Variants in ANO10 observed in about 807,000 individuals in gnomAD.
ANO10 encodes anoctamin-10.
A neutral mutation model predicts 74.7 loss-of-function variants in ANO10; 77 were observed. That is an observed-to-expected ratio of 1.03 (90% CI 0.86 to 1.25). ANO10 has a LOEUF of 1.25. Among genes scored for constraint, ANO10 ranks in the 50% most tolerant of loss-of-function variants. The pLI is 0.00. For synonymous variants in ANO10, 279 were observed against 284.9 expected, an observed-to-expected ratio of 0.98 and a Z score of 0.21; for missense variants, 721 against 778.1, an observed-to-expected ratio of 0.93 and a Z score of 0.87.
At chr3:43,657,398 A>C (rs2083870153) in intron 1 of ANO10, among the ~76,000 whole-genome samples, 1 of 152,210 alleles carries the variant, frequency 6.6e-6, no homozygotes, top group Non-Finnish European at 1.5e-5. Context: ...GTACGCAGTG[A>C]CTATCACCGG....
At position 43,536,164 on chromosome 3, in the gene ANO10, T is replaced by G. The variant is rs1036220421; in HGVS notation, c.1797+13556A>C. Among the ~76,000 whole-genome samples, 9 of 152,352 alleles carry G rather than the reference T, an allele frequency of 5.9e-5. No individual in the cohort carries two copies. The East Asian group carries it at 7.7e-4, about 13-fold the overall frequency. ...GTAAAACACAAAAGTAAATGTAACA[T>G]TCCAAGTTGTTTAAAATGCTTCTTT... On this transcript the variant is annotated intron_variant, in intron 11 of 12. Transcript: ENST00000292246.
chr3:43,436,525 C>T lies in ANO10; in HGVS notation c.1798-3798G>A, dbSNP rs532718695. 2.6e-5 allele frequency among the ~76,000 whole-genome samples: 4 copies of T among 152,138 alleles called. No individual in the cohort carries two copies. In the South Asian group the frequency reaches 8.3e-4, roughly 31 times the overall value. ...TGAGGAGACGGGCAGAATTTTAAAA[C>T]TAGCAAATACAAAGAAGTTGGCTCC... is the stretch of plus-strand genomic sequence containing the variant. On this transcript the variant is annotated intron_variant, in intron 11 of 12. Transcript: ENST00000292246.
intron 11 of ANO10, among the ~76,000 whole-genome samples, chr3:43,490,247 G>A (rs542727882): frequency 7.9e-5 from 12 of 152,114 alleles, no homozygotes; most frequent in East Asian, 7.7e-4. Context: ...CTCCAACTAC[G>A]CCACAACAAA....
intron 12 of ANO10, among the ~76,000 whole-genome samples, chr3:43,375,251 G>T (rs1277225302): frequency 6.6e-6 from 1 of 152,010 alleles, no homozygotes; most frequent in East Asian, 1.9e-4. Flanking sequence ...TTTGAGACCA[G>T]CCTGGCCAAC....
chr3:43,401,780 T>C (rs1313866926), intron 12 of ANO10, among the ~76,000 whole-genome samples: 1 of 152,236 alleles, frequency 6.6e-6, no homozygotes, highest in East Asian at 1.9e-4. Flanking sequence ...CCATATCTGC[T>C]CACTTTCCCC....
chr3:43,584,264 G>A (rs932223452), intron 4 of ANO10, among the ~76,000 whole-genome samples: 1 of 152,236 alleles, frequency 6.6e-6, no homozygotes, highest in South Asian at 2.1e-4. Context: ...GAACATGGCT[G>A]TGCTTTGGTT....
intron 11 of ANO10, among the ~76,000 whole-genome samples, chr3:43,472,114 T>C (rs2075879463): frequency 6.6e-6 from 1 of 152,180 alleles, no homozygotes; most frequent in African/African-American, 2.4e-5. Flanking sequence ...TCAAATGCAT[T>C]ATGCCAAGTG....
chr3:43,509,535 T>TA (rs1476992782), intron 11 of ANO10, among the ~76,000 whole-genome samples: 1 of 152,118 alleles, frequency 6.6e-6, no homozygotes, highest in Non-Finnish European at 1.5e-5. Context: ...AAATAAAAAT[T>TA]AGTGATAGCA....
At chr3:43,484,025 C>T (rs1273281276) in intron 11 of ANO10, among the ~76,000 whole-genome samples, 1 of 152,168 alleles carries the variant, frequency 6.6e-6, no homozygotes, top group Non-Finnish European at 1.5e-5. Context: ...CAGCCTCAAC[C>T]TCCCAGACTC....
At chr3:43,542,454 CT>C (rs1422034250) in intron 11 of ANO10, among the ~76,000 whole-genome samples, 1 of 152,138 alleles carries the variant, frequency 6.6e-6, no homozygotes, top group Non-Finnish European at 1.5e-5. Context: ...GATGGAGAGC[CT>C]GGCCCATGAC....
At chr3:43,445,584 A>T (rs991842517) in intron 11 of ANO10, among the ~76,000 whole-genome samples, 6 of 152,246 alleles carry the variant, frequency 3.9e-5, no homozygotes, top group African/African-American at 1.4e-4. Flanking sequence ...AAAATCTGCT[A>T]AACCAGTTCT....
chr3:43,549,879 T>A, intron 10 of ANO10, 31 bp from the exon 11 acceptor site: 2 of 1,611,578 alleles, frequency 1.2e-6, no homozygotes, highest in Non-Finnish European at 1.7e-6. Context: ...AATTAAAAAT[T>A]GCAATGACTG....
intron 11 of ANO10, among the ~76,000 whole-genome samples, chr3:43,455,149 C>T (rs551816911): frequency 6.6e-6 from 1 of 151,992 alleles, no homozygotes; most frequent in Admixed American, 6.6e-5. Flanking sequence ...CCCATTTTCT[C>T]AGTGAGGTAG....
At chr3:43,642,845 AT>A (rs78934141) in intron 1 of ANO10, among the ~76,000 whole-genome samples, 24,216 of 144,208 alleles carry the variant, frequency 0.17, 3,325 homozygotes, top group African/African-American at 0.38. Flanking sequence ...ATTCACAGAC[AT>A]TTTTTTTTTT....
chr3:43,580,209 T>A (rs576488752), intron 5 of ANO10, 144 bp downstream of exon 5: 4 of 1,017,506 alleles, frequency 3.9e-6, no homozygotes, highest in African/African-American at 3.2e-5. Context: ...ATTCCCTCCA[T>A]CAAAATGTTT....
At chr3:43,666,392 T>A (rs1468722682) in intron 1 of ANO10, among the ~76,000 whole-genome samples, 1 of 152,194 alleles carries the variant, frequency 6.6e-6, no homozygotes, top group East Asian at 1.9e-4. Flanking sequence ...TAGTTTTCTG[T>A]AAGTTGTTAA....
chr3:43,499,396 G>A (rs530693566), intron 11 of ANO10, among the ~76,000 whole-genome samples: 10 of 152,222 alleles, frequency 6.6e-5, no homozygotes, highest in East Asian at 1.9e-4. Flanking sequence ...GTATTTACTA[G>A]GGAGGGTTTG....
chr3:43,631,234 C>T (rs370671512), intron 1 of ANO10, among the ~76,000 whole-genome samples: 2 of 152,244 alleles, frequency 1.3e-5, no homozygotes, highest in Non-Finnish European at 2.9e-5. Context: ...CCTTCTCCCA[C>T]AAGCCCTTTA....
At chr3:43,558,425 C>A (rs941782823) in intron 9 of ANO10, among the ~76,000 whole-genome samples, 8 of 152,024 alleles carry the variant, frequency 5.3e-5, no homozygotes, top group Non-Finnish European at 2.9e-5. Context: ...ATCTAGGAAG[C>A]AACACAGCTT....
Sources: allele counts gnomAD v4.1 joint callset (sites outside exome capture counted in the v4.1 genomes callset), GRCh38; gene constraint gnomAD v4.1.1; transcripts MANE v1.5; gene names NCBI Gene and HGNC (gene_info 2026-07-23, HGNC 2026-07-21).